HPSE2: variants seen among roughly 807,000 people sequenced by gnomAD.
HPSE2 encodes inactive heparanase-2.
Under a neutral mutation model 60.5 loss-of-function variants are expected in HPSE2, and 38 were observed. The ratio of observed to expected loss-of-function variants is 0.63; its 90% CI spans 0.48 to 0.82. HPSE2 has a LOEUF of 0.82. HPSE2 is among the 40% of genes least tolerant of loss of function. The pLI is 0.00. For synonymous variants in HPSE2, 295 were observed against 293.2 expected (o/e 1.01, Z -0.06); for missense variants, 713 against 740.4 (o/e 0.96, Z 0.43).
At chr10:99,147,865 A>G (rs1846113203) in intron 2 of HPSE2, among the ~76,000 whole-genome samples, 1 of 152,216 alleles carries the variant, frequency 6.6e-6, no homozygotes, top group Admixed American at 6.5e-5. Context: ...ATTCAAAATT[A>G]TCTTGGAAAT....
At chr10:99,004,277 G>A (rs913737894) in intron 3 of HPSE2, among the ~76,000 whole-genome samples, 2 of 150,954 alleles carry the variant, frequency 1.3e-5, no homozygotes, top group African/African-American at 4.9e-5. Context: ...GCTTATCACT[G>A]TTATTTTGTT....
At chr10:98,508,971 A>C (rs1022414347) in intron 9 of HPSE2, among the ~76,000 whole-genome samples, 1 of 152,238 alleles carries the variant, frequency 6.6e-6, no homozygotes, top group African/African-American at 2.4e-5. Context: ...ATTTACTTTT[A>C]GCAAGTTGAC....
intron 3 of HPSE2, among the ~76,000 whole-genome samples, chr10:98,823,404 A>T (rs1334282584): frequency 1.3e-5 from 2 of 152,184 alleles, no homozygotes; most frequent in East Asian, 3.9e-4. Context: ...GGACTGCTTG[A>T]GGCCAGGAGT....
chr10:99,266,751 T>A, the HPSE2 span, among the ~76,000 whole-genome samples: 1 of 152,148 alleles, frequency 6.6e-6, no homozygotes, highest in Admixed American at 6.6e-5. Context: ...TCCATTTTAC[T>A]TCCCTGCCAC....
chr10:99,216,664 A>T (rs563657806), intron 2 of HPSE2, among the ~76,000 whole-genome samples: 4 of 152,056 alleles, frequency 2.6e-5, no homozygotes, highest in East Asian at 3.9e-4. Context: ...TCTATACATC[A>T]TTTTTTTCCA....
intron 9 of HPSE2, among the ~76,000 whole-genome samples, chr10:98,568,852 T>C (rs1944418560): frequency 6.6e-6 from 1 of 152,162 alleles, no homozygotes; most frequent in Admixed American, 6.5e-5. Context: ...GGCAATCTAC[T>C]CATTGCTTTT....
At chr10:98,744,920 T>C (rs1025004137) in intron 3 of HPSE2, among the ~76,000 whole-genome samples, 29 of 152,138 alleles carry the variant, frequency 1.9e-4, no homozygotes, top group Admixed American at 8.5e-4. Context: ...AATACGTTCA[T>C]TGCCGGGCGT....
chr10:98,852,112 G>GATAT (rs140715558), intron 3 of HPSE2, among the ~76,000 whole-genome samples: 35,142 of 79,936 alleles, frequency 0.44, 6,455 homozygotes, highest in Non-Finnish European at 0.51. Context: ...TGTATATTAT[G>GATAT]ATGTGTGTGT....
upstream of HPSE2, among the ~76,000 whole-genome samples, chr10:99,236,880 T>TC (rs558217907): frequency 3.3e-3 from 503 of 151,766 alleles, 1 homozygote; most frequent in African/African-American, 0.011. Flanking sequence ...ACAGGTAGAG[T>TC]CCCCCCTCCA....
chr10:98,930,595 C>T lies in HPSE2; in HGVS notation c.611-186539G>A, dbSNP rs961105821. On this transcript the variant is annotated intron_variant, in intron 3 of 11. Coordinates refer to ENST00000370552, the MANE Select transcript of HPSE2 (RefSeq NM_021828.5). Reference sequence around the variant, plus strand: ...CACAATGGCTGAACTAATTTACATTCCCACCAACAGTGTACAAGCGTTCCT... The same window carrying T: ...CACAATGGCTGAACTAATTTACATTTCCACCAACAGTGTACAAGCGTTCCT... Among the ~76,000 whole-genome samples the T allele has an allele frequency of 6.9e-5, 10 of 144,660 alleles. 1 individual carries two copies. In the South Asian group the frequency reaches 1.3e-3, roughly 18 times the overall value. The allele number at this position is 144,660 out of a possible 152,430, so 94.9% of individuals were successfully genotyped here.
At chr10:98,621,690 G>T (rs78962285) in intron 7 of HPSE2, among the ~76,000 whole-genome samples, 3 of 152,244 alleles carry the variant, frequency 2.0e-5, no homozygotes, top group African/African-American at 7.2e-5. Flanking sequence ...CCCCCAAGGG[G>T]ATACAAGGGA....
intron 2 of HPSE2, among the ~76,000 whole-genome samples, chr10:99,208,002 CTAT>C (rs1422741628): frequency 6.7e-6 from 1 of 148,992 alleles, no homozygotes; most frequent in Non-Finnish European, 1.5e-5. Flanking sequence ...TAACAATATA[CTAT>C]AATTTATTAT....
intron 3 of HPSE2, among the ~76,000 whole-genome samples, chr10:99,069,163 C>T (rs1270555594): frequency 1.3e-5 from 2 of 152,054 alleles, no homozygotes; most frequent in Admixed American, 1.3e-4. Context: ...GAAACAAAAC[C>T]CAGAAGAGTA....
At chr10:99,307,837 C>A in the HPSE2 span, among the ~76,000 whole-genome samples, 2 of 120,810 alleles carry the variant, frequency 1.7e-5, no homozygotes, top group African/African-American at 6.0e-5. Flanking sequence ...AATGCGCACA[C>A]ACACACACAC....
chr10:98,790,627 T>C lies in HPSE2; in HGVS notation c.611-46571A>G, dbSNP rs535293808. Among the ~76,000 whole-genome samples, 22 of 152,236 alleles carry C rather than the reference T, an allele frequency of 1.4e-4. No homozygotes were observed. In the Middle Eastern group the frequency reaches 0.017, roughly 118 times the overall value. Reference sequence around the variant, plus strand: ...GTGTATTTCAAAATCGCTAAAAGAATAGATTAATGTTCTCACCACAAAAAA... The same window carrying C: ...GTGTATTTCAAAATCGCTAAAAGAACAGATTAATGTTCTCACCACAAAAAA... On this transcript the variant is annotated intron_variant, in intron 3 of 11. Transcript: ENST00000370552.
At chr10:99,011,313 G>A (rs543073404) in intron 3 of HPSE2, among the ~76,000 whole-genome samples, 1 of 152,130 alleles carries the variant, frequency 6.6e-6, no homozygotes, top group South Asian at 2.1e-4. Flanking sequence ...ACATTTTACA[G>A]AAAGGAACTT....
chr10:98,883,290 G>T (rs1378078412), intron 3 of HPSE2, among the ~76,000 whole-genome samples: 1 of 151,990 alleles, frequency 6.6e-6, no homozygotes, highest in African/African-American at 2.4e-5. Flanking sequence ...ACAAGGCATG[G>T]GTGTTATAAA....
intron 3 of HPSE2, among the ~76,000 whole-genome samples, chr10:99,138,736 C>T (rs1845754456): frequency 6.6e-6 from 1 of 152,212 alleles, no homozygotes; most frequent in African/African-American, 2.4e-5. Context: ...ACACCAGGGC[C>T]TTTTGGGCGA....
At chr10:98,978,174 G>C (rs567260083) in intron 3 of HPSE2, among the ~76,000 whole-genome samples, 1 of 152,006 alleles carries the variant, frequency 6.6e-6, no homozygotes, top group Admixed American at 6.6e-5. Flanking sequence ...TGAAAATACT[G>C]TTAAAGCCTT....
Sources: gnomAD v4.1 joint callset for allele counts (sites outside exome capture counted in the v4.1 genomes callset) on GRCh38, gnomAD v4.1.1 for gene constraint, MANE v1.5 for transcripts, NCBI Gene and HGNC (gene_info 2026-07-23, HGNC 2026-07-21) for gene names.